Variants in SIK3 observed in about 807,000 individuals in gnomAD.
The protein encoded by SIK3 is SIK family kinase 3.
SIK3 carries 28 observed loss-of-function variants against 144.2 expected under a neutral mutation model. The observed-to-expected ratio is 0.19, with a 90% confidence interval of 0.14 to 0.27. The LOEUF (loss-of-function observed/expected upper bound fraction) is 0.27. Among genes scored for constraint, SIK3 ranks in the 10% least tolerant of loss-of-function variants. The probability of loss-of-function intolerance (pLI) is 1.00; values close to 1 mark genes in which losing one functional copy is unlikely to be tolerated. For missense variants in SIK3, 1,319 were observed against 1,776.0 expected (o/e 0.74, Z 4.62); for synonymous variants, 686 against 676.3 (o/e 1.01, Z -0.22).
At chr11:116,863,923 G>C in intron 15 of SIK3, 105 bp from the exon 16 acceptor site, 2 of 1,232,222 alleles carry the variant, frequency 1.6e-6, no homozygotes, top group East Asian at 5.0e-5. Context: ...TGGCTGCCCA[G>C]GTAGCCCTGC....
At chr11:117,042,129 G>A (rs1463082978) in intron 1 of SIK3, among the ~76,000 whole-genome samples, 2 of 152,134 alleles carry the variant, frequency 1.3e-5, no homozygotes, top group East Asian at 1.9e-4. Context: ...TGACTTCGAG[G>A]GTTACAGAAG....
intron 21 of SIK3, among the ~76,000 whole-genome samples, chr11:116,850,839 C>A (rs981952415): frequency 6.6e-6 from 1 of 152,044 alleles, no homozygotes; most frequent in African/African-American, 2.4e-5. Context: ...TGAAACCCCA[C>A]CTCTACTAAA....
chr11:116,923,791 G>A (rs572777696), intron 4 of SIK3, among the ~76,000 whole-genome samples: 8 of 152,250 alleles, frequency 5.3e-5, no homozygotes, highest in Middle Eastern at 3.4e-3. Flanking sequence ...CCAGCACCCC[G>A]GAGTCTGTAA....
chr11:116,910,781 C>G (rs2134948990), intron 4 of SIK3, among the ~76,000 whole-genome samples: 1 of 152,084 alleles, frequency 6.6e-6, no homozygotes, highest in East Asian at 1.9e-4. Flanking sequence ...AAAAAAAATC[C>G]AGAAGAATGA....
intron 6 of SIK3, among the ~76,000 whole-genome samples, chr11:116,886,758 A>AAT (rs1944841143): frequency 6.6e-6 from 1 of 152,042 alleles, no homozygotes; most frequent in Non-Finnish European, 1.5e-5. Context: ...TTGTTAAAAA[A>AAT]ATATATTGAA....
At chr11:116,952,910 T>C (rs2135381239) in intron 3 of SIK3, among the ~76,000 whole-genome samples, 1 of 152,294 alleles carries the variant, frequency 6.6e-6, no homozygotes, top group South Asian at 2.1e-4. Flanking sequence ...AAATAAAGTA[T>C]CCCCTCCCAT....
At chr11:116,918,703 C>T (rs542073526) in intron 4 of SIK3, among the ~76,000 whole-genome samples, 1 of 152,230 alleles carries the variant, frequency 6.6e-6, no homozygotes, top group South Asian at 2.1e-4. Context: ...CCAAGATATA[C>T]GAGAAACCGT....
At chr11:116,976,125 C>T (rs949026958) in intron 1 of SIK3, among the ~76,000 whole-genome samples, 9 of 152,110 alleles carry the variant, frequency 5.9e-5, no homozygotes, top group African/African-American at 2.2e-4. Flanking sequence ...ATCAGATGTA[C>T]GATTTGCAAA....
intron 21 of SIK3, among the ~76,000 whole-genome samples, chr11:116,850,655 T>C (rs953023044): frequency 1.3e-5 from 2 of 152,388 alleles, no homozygotes; most frequent in South Asian, 2.1e-4. Flanking sequence ...ATCTCATGTA[T>C]GTCTGTGAAT....
At chr11:116,921,524 CT>C (rs201617604) in intron 4 of SIK3, among the ~76,000 whole-genome samples, 8 of 151,324 alleles carry the variant, frequency 5.3e-5, no homozygotes, top group East Asian at 1.9e-4. Flanking sequence ...AAATAAAATT[CT>C]TTTTTTTTCT....
chr11:116,851,194 A>G (rs556701341), intron 21 of SIK3, among the ~76,000 whole-genome samples: 2 of 152,296 alleles, frequency 1.3e-5, no homozygotes, highest in East Asian at 3.9e-4. Context: ...TTTTGACTTC[A>G]GTCTTTAAAA....
intron 4 of SIK3, among the ~76,000 whole-genome samples, chr11:116,916,291 A>T (rs958126836): frequency 6.6e-6 from 1 of 152,172 alleles, no homozygotes; most frequent in Non-Finnish European, 1.5e-5. Flanking sequence ...AGCAAACTGT[A>T]CTTTTTGATG....
chr11:116,886,392 A>T (rs1354585448), intron 6 of SIK3, among the ~76,000 whole-genome samples: 1 of 152,220 alleles, frequency 6.6e-6, no homozygotes, highest in Admixed American at 6.5e-5. Context: ...CTTTTAGCCA[A>T]GCAAGATGCT....
intron 4 of SIK3, among the ~76,000 whole-genome samples, chr11:116,923,998 A>G (rs1591335544): frequency 6.6e-6 from 1 of 152,204 alleles, no homozygotes; most frequent in South Asian, 2.1e-4. Flanking sequence ...AATTTCCTTA[A>G]CAGCCGGGCG....
chr11:117,036,078 C>A (rs1052411579), intron 1 of SIK3: 14 of 866,470 alleles, frequency 1.6e-5, no homozygotes, highest in Non-Finnish European at 3.5e-6. Context: ...GTCATCACCG[C>A]CGGAAAGGTT....
At chr11:116,890,272 G>C (rs1384326362) in intron 6 of SIK3, among the ~76,000 whole-genome samples, 1 of 152,182 alleles carries the variant, frequency 6.6e-6, no homozygotes, top group East Asian at 1.9e-4. Context: ...TCCTCTCTGA[G>C]GGGAATGTAT....
intron 16 of SIK3, 122 bp from the exon 17 acceptor site, chr11:116,862,449 CCTTGATGAG>C: frequency 1.6e-6 from 2 of 1,230,878 alleles, no homozygotes; most frequent in Non-Finnish European, 2.3e-6. Context: ...AGAACAGTGT[CCTTGATGAG>C]CAATTAACTC....
chr11:116,965,822 C>T (rs539311353), intron 1 of SIK3, among the ~76,000 whole-genome samples: 2 of 139,042 alleles, frequency 1.4e-5, no homozygotes, highest in South Asian at 2.3e-4. Flanking sequence ...GTAGTCCCAG[C>T]TACTTGGGAG....
chr11:116,861,103 A>G (rs753545814), intron 19 of SIK3, among the ~76,000 whole-genome samples, 171 bp downstream of exon 19: 5 of 152,248 alleles, frequency 3.3e-5, no homozygotes, highest in Non-Finnish European at 7.3e-5. Context: ...GTTTACAGCT[A>G]AGAAACTGAT....
Sources: gnomAD v4.1 joint callset for allele counts (sites outside exome capture counted in the v4.1 genomes callset) on GRCh38, gnomAD v4.1.1 for gene constraint, MANE v1.5 for transcripts, NCBI Gene and HGNC (gene_info 2026-07-23, HGNC 2026-07-21) for gene names.